The following COL4A1 variants were observed in gnomAD, a reference collection of about 807,000 sequenced individuals.
COL4A1 encodes the protein collagen type IV alpha 1 chain.
A neutral mutation model predicts 216.6 loss-of-function variants in COL4A1; 40 were observed. The ratio of observed to expected loss-of-function variants is 0.18; its 90% confidence interval spans 0.14 to 0.24. COL4A1 has a LOEUF of 0.24. Ranked by LOEUF, COL4A1 falls within the 10% of genes least tolerant of loss-of-function variation. COL4A1 has a pLI of 1.00. For synonymous variants in COL4A1, 839 were observed against 810.7 expected (o/e 1.03, Z -0.59); for missense variants, 1,628 against 2,196.8 (o/e 0.74, Z 5.18).
At chr13:110,177,775 G>A (rs977497147) in intron 33 of COL4A1, 67 bp downstream of exon 33, 1 of 1,530,050 alleles carries the variant, frequency 6.5e-7, no homozygotes, top group African/African-American at 1.4e-5. Flanking sequence ...ATGACAACTT[G>A]AGAATTTCCC....
intron 1 of COL4A1, among the ~76,000 whole-genome samples, chr13:110,280,965 T>C (rs1883609439): frequency 6.6e-6 from 1 of 152,206 alleles, no homozygotes; most frequent in Non-Finnish European, 1.5e-5. Context: ...TCAGGAGTGA[T>C]CCAATTCCTT....
At chr13:110,239,311 G>A (rs1407306877) in intron 2 of COL4A1, among the ~76,000 whole-genome samples, 1 of 152,142 alleles carries the variant, frequency 6.6e-6, no homozygotes, top group Admixed American at 6.5e-5. Context: ...AAAGAGATTT[G>A]TACTGGAGAT....
At chr13:110,172,327 G>C (rs756705484) in intron 41 of COL4A1, among the ~76,000 whole-genome samples, 3 of 152,210 alleles carry the variant, frequency 2.0e-5, no homozygotes. Context: ...TCGTGGCTGC[G>C]CAGGGCATGT....
chr13:110,222,772 TAAAAAAAA>T (rs943734573), intron 2 of COL4A1, among the ~76,000 whole-genome samples: 4 of 92,074 alleles, frequency 4.3e-5, no homozygotes, highest in African/African-American at 1.3e-4. Flanking sequence ...GACTCTGCTT[TAAAAAAAA>T]AAAAAAAAAA....
intron 2 of COL4A1, among the ~76,000 whole-genome samples, chr13:110,221,586 A>C (rs908510914): frequency 7.2e-5 from 11 of 152,196 alleles, no homozygotes; most frequent in African/African-American, 2.7e-4. Context: ...AATCTTACCA[A>C]AGTTCCAGAC....
chr13:110,253,914 T>A (rs1244533143), intron 1 of COL4A1, among the ~76,000 whole-genome samples: 1 of 151,894 alleles, frequency 6.6e-6, no homozygotes, highest in Non-Finnish European at 1.5e-5. Context: ...CCCATCAACA[T>A]GATTAATTGG....
chr13:110,244,764 C>G (rs1282156115), intron 1 of COL4A1, among the ~76,000 whole-genome samples: 1 of 152,140 alleles, frequency 6.6e-6, no homozygotes, highest in African/African-American at 2.4e-5. Flanking sequence ...ACATACAGCT[C>G]ACACCAGGCT....
At chr13:110,257,557 C>A (rs369160302) in intron 1 of COL4A1, among the ~76,000 whole-genome samples, 36 of 152,322 alleles carry the variant, frequency 2.4e-4, no homozygotes, top group Middle Eastern at 6.8e-3. Context: ...AAGCCATGGT[C>A]TCTCAATGAC....
rs754131161 is a variant in COL4A1, at chr13:110,169,671, A to C, written c.3834T>G (p.Gly1278=). 1.2e-6 allele frequency: 2 copies of C among 1,614,124 alleles called. No homozygotes were observed. The highest frequency in any genetic ancestry group is 1.7e-6 in the Non-Finnish European group (2 of 1,180,022). ...CAGGGTCTCCCTTGGGCCCTGGGAC[A>C]CCGGGTGCTCCTGGCCAGCCTGGAT... The part of the protein sequence containing the change: ...KGNPGWPGAP[G]VPGPKGDPGF... The change falls in exon 43 of 52, where the codon GGT becomes GGG. Residue 1278 remains glycine (G), a synonymous_variant. Coordinates refer to ENST00000375820, the MANE Select transcript of COL4A1 (RefSeq NM_001845.6).
chr13:110,271,420 T>A (rs1883240606), intron 1 of COL4A1, among the ~76,000 whole-genome samples: 1 of 152,134 alleles, frequency 6.6e-6, no homozygotes, highest in Admixed American at 6.5e-5. Flanking sequence ...CAGAGTCCCA[T>A]CATCAGGCAT....
intron 5 of COL4A1, 41 bp downstream of exon 5, chr13:110,212,533 A>C (rs745621919): frequency 6.2e-7 from 1 of 1,614,204 alleles, no homozygotes; most frequent in South Asian, 1.1e-5. Flanking sequence ...CTGATGGAAG[A>C]ATATTTCATA....
intron 41 of COL4A1, among the ~76,000 whole-genome samples, chr13:110,171,092 G>A (rs1877623566): frequency 6.6e-6 from 1 of 152,232 alleles, no homozygotes; most frequent in Non-Finnish European, 1.5e-5. Context: ...ACATGAATGG[G>A]CTGGACAAGC....
At chr13:110,186,200 T>C (rs1878397371) in intron 26 of COL4A1, among the ~76,000 whole-genome samples, 185 bp downstream of exon 26, 1 of 152,204 alleles carries the variant, frequency 6.6e-6, no homozygotes, top group South Asian at 2.1e-4. Context: ...GCCCATCACA[T>C]ACATGAGGAA....
At chr13:110,157,293 A>C (rs560624495) in intron 49 of COL4A1, among the ~76,000 whole-genome samples, 1 of 152,348 alleles carries the variant, frequency 6.6e-6, no homozygotes, top group East Asian at 1.9e-4. Flanking sequence ...TGTCTGCAGA[A>C]AGCTAGAAAG....
rs111466158 is a variant in COL4A1, at chr13:110,196,609, C to CA, written c.1286-1492dup. ...AAACAAAAAACAAAAAACAAACAAA[C>CA]AAAAAAAAAATAGTACATCCTCACC... On this transcript the variant is annotated intron_variant, in intron 21 of 51. Coordinates refer to ENST00000375820, the MANE Select transcript of COL4A1 (RefSeq NM_001845.6). Among the ~76,000 whole-genome samples the CA allele has an allele frequency of 4.8e-4, 66 of 138,254 alleles. No homozygotes were observed. In the South Asian group the frequency reaches 8.5e-3, roughly 18 times the overall value. The allele number at this position is 138,254 out of a possible 152,430, so 90.7% of individuals were successfully genotyped here.
Position 110,201,041 on chromosome 13 carries a change from C to T in COL4A1, c.1085-152G>A, listed in dbSNP as rs1287605392. 4.1e-5 allele frequency: 33 copies of T among 807,874 alleles called. No homozygotes were observed. The East Asian group carries it at 8.1e-4, about 20-fold the overall frequency. The allele number at this position is 807,874 out of a possible 1,614,324, so 50.0% of individuals were successfully genotyped here. ...AACAGAGCGGGAGACCACCCGAGCC[C>T]CCACTCTGGAAATGCATTGCTCTCA... On this transcript the variant is annotated intron_variant, in intron 19 of 51. Transcript: ENST00000375820.
chr13:110,151,404 A>C (rs1876491328), intron 51 of COL4A1, among the ~76,000 whole-genome samples: 1 of 152,192 alleles, frequency 6.6e-6, no homozygotes, highest in Admixed American at 6.5e-5. Flanking sequence ...GTGAATGGTT[A>C]AACTCTATCT....
At chr13:110,158,776 CTT>C (rs1876921927) in intron 49 of COL4A1, among the ~76,000 whole-genome samples, 3 of 116,080 alleles carry the variant, frequency 2.6e-5, no homozygotes, top group Admixed American at 2.1e-4. Flanking sequence ...GAGTTTTGCT[CTT>C]GTCGCCTAGG....
rs1880085617 is a variant in COL4A1 at position 110,216,349 on chromosome 13, G to A, written c.145-2334C>T. On this transcript the variant is annotated intron_variant, in intron 2 of 51. Coordinates refer to ENST00000375820, the MANE Select transcript of COL4A1 (RefSeq NM_001845.6). ...TACAGTGCACAAGGTCACCAATCTG[G>A]GGCACCCAGTTTTCGGATATAGGAA... Among the ~76,000 whole-genome samples, 3 of 152,120 alleles carry A rather than the reference G, an allele frequency of 2.0e-5. No individual in the cohort carries two copies. In the South Asian group the frequency reaches 6.2e-4, roughly 32 times the overall value.
Sources: gnomAD v4.1 joint callset for allele counts (sites outside exome capture counted in the v4.1 genomes callset) on GRCh38, gnomAD v4.1.1 for gene constraint, MANE v1.5 for transcripts, NCBI Gene and HGNC (gene_info 2026-07-23, HGNC 2026-07-21) for gene names.